Variants in CALM2 observed in about 807,000 individuals in gnomAD.
CALM2 encodes the protein calmodulin-2.
Under a neutral mutation model 19.8 loss-of-function variants are expected in CALM2, and 2 were observed. That is an observed-to-expected ratio of 0.10 (90% CI 0.04 to 0.32). The LOEUF is 0.32. Ranked by LOEUF, CALM2 falls within the 10% of genes least tolerant of loss-of-function variation. The pLI is 1.00. For missense variants in CALM2, 38 were observed against 178.7 expected (o/e 0.21, Z 4.49); for synonymous variants, 51 against 52.1 (o/e 0.98, Z 0.09).
At chr2:47,164,593 C>T (rs1666395740) in intron 2 of CALM2, among the ~76,000 whole-genome samples, 1 of 135,052 alleles carries the variant, frequency 7.4e-6, no homozygotes, top group African/African-American at 3.4e-5. Context: ...TGAGACTTGT[C>T]TCAAAAAAAA....
At chr2:47,162,187 A>AAAAAAAC in intron 4 of CALM2, 99 bp downstream of exon 4, 1 of 452,322 alleles carries the variant, frequency 2.2e-6, no homozygotes, top group South Asian at 3.5e-5. Context: ...AAAAAAAAAA[A>AAAAAAAC]AAAAAAAAAA....
chr2:47,170,611 CAT>C lies in CALM2; in HGVS notation c.34+121_34+122del, dbSNP rs140003206. On this transcript the variant is annotated intron_variant, in intron 2 of 5. Transcript: ENST00000272298. ...TTGAATTACTGTATTATATTATACC[CAT>C]ATGTTAGTATCCATGACATATACCA... is the stretch of plus-strand genomic sequence containing the variant. 0.012 allele frequency: 9,233 copies of C among 797,152 alleles called. 88 individuals carry two copies. Among genetic ancestry groups the C allele is most frequent in the Non-Finnish European group, 0.015 (6,818 of 447,166 alleles). 49.4% of individuals were successfully genotyped at this position (797,152 alleles called of 1,614,324 possible). A position where few individuals can be genotyped will look rare whatever the true frequency, so the allele number is the denominator to read the frequency against.
chr2:47,162,730 A>G, intron 2 of CALM2, 68 bp from the exon 3 acceptor site: 1 of 1,306,988 alleles, frequency 7.7e-7, no homozygotes, highest in Non-Finnish European at 1.1e-6. Context: ...AATGAAACGT[A>G]TTAACTCTTA....
chr2:47,172,134 CAG>C (rs1352196247), intron 1 of CALM2: 1 of 45,678 alleles, frequency 2.2e-5, no homozygotes, highest in East Asian at 9.5e-4. Flanking sequence ...AAGTCAGTCA[CAG>C]ATTGTTTACC....
In CALM2 at chr2:47,162,240, T is replaced by A. The variant is rs138953134; in HGVS notation, c.285+46A>T. On this transcript the variant is annotated intron_variant, in intron 4 of 5. Coordinates refer to ENST00000272298, the MANE Select transcript of CALM2 (RefSeq NM_001743.6). Reference sequence around the variant, plus strand: ...CAAGTCTTCATAATGAGTCCTGGTATCTTCATTTCATCCTCAAAATTTAAC... The same window carrying A: ...CAAGTCTTCATAATGAGTCCTGGTAACTTCATTTCATCCTCAAAATTTAAC... 5.2e-5 allele frequency: 51 copies of A among 980,112 alleles called. No homozygotes were observed. The Middle Eastern group carries it at 2.3e-3, about 44-fold the overall frequency. 60.7% of individuals were successfully genotyped at this position (980,112 alleles called of 1,614,324 possible). A position where few individuals can be genotyped will look rare whatever the true frequency, so the allele number is the denominator to read the frequency against.
At chr2:47,176,362 G>A (rs996451360) in intron 1 of CALM2, 79 bp downstream of exon 1, 1 of 1,554,044 alleles carries the variant, frequency 6.4e-7, no homozygotes, top group Non-Finnish European at 8.8e-7. Context: ...TAAGGGAGGC[G>A]AGTTTCCTTT....
At chr2:47,174,568 G>GA (rs1457152696) in intron 1 of CALM2, among the ~76,000 whole-genome samples, 1 of 151,106 alleles carries the variant, frequency 6.6e-6, no homozygotes. Context: ...GTCTCTTATA[G>GA]TAAGAGCTGT....
At chr2:47,175,081 GTTTTTTT>G (rs563702873) in intron 1 of CALM2, among the ~76,000 whole-genome samples, 2 of 77,964 alleles carry the variant, frequency 2.6e-5, no homozygotes, top group Admixed American at 3.1e-4. Flanking sequence ...CTCATTAGGT[GTTTTTTT>G]TTTTTTTTTT....
In CALM2 at chr2:47,161,962, T is replaced by G; in HGVS notation, c.286-104A>C. 3.1e-6 allele frequency: 3 copies of G among 968,652 alleles called. No homozygotes were observed. The South Asian group carries it at 4.8e-5, about 15-fold the overall frequency. 60.0% of individuals were successfully genotyped at this position (968,652 alleles called of 1,614,324 possible). ...TAAATTTCACATTGGGGGAAAAACA[T>G]ACTTTAGAAATGCATACAAATCTAC... On this transcript the variant is annotated intron_variant, in intron 4 of 5. Transcript: ENST00000272298.
At chr2:47,164,278 T>C (rs1666381615) in intron 2 of CALM2, among the ~76,000 whole-genome samples, 1 of 137,002 alleles carries the variant, frequency 7.3e-6, no homozygotes, top group African/African-American at 2.7e-5. Flanking sequence ...AAACCCCGTC[T>C]CTACTAAAAC....
intron 1 of CALM2, 122 bp downstream of exon 1, chr2:47,176,319 C>T: frequency 8.9e-6 from 11 of 1,238,768 alleles, no homozygotes; most frequent in East Asian, 2.5e-5. Flanking sequence ...TCTTTCGCGC[C>T]ATCCCTCTGG....
intron 2 of CALM2, among the ~76,000 whole-genome samples, chr2:47,168,975 A>C (rs968391398): frequency 2.0e-5 from 3 of 152,058 alleles, no homozygotes; most frequent in Non-Finnish European, 4.4e-5. Flanking sequence ...ATGGGGTTTC[A>C]CCACGTTGGC....
intron 1 of CALM2, among the ~76,000 whole-genome samples, chr2:47,175,791 G>A (rs1237319901): frequency 2.0e-5 from 3 of 149,122 alleles, no homozygotes; most frequent in African/African-American, 4.9e-5. Flanking sequence ...GCGGGGCGGC[G>A]GCTCCGGGTC....
intron 4 of CALM2, 83 bp downstream of exon 4, chr2:47,162,203 A>AAAAAAAAC (rs1687182716): frequency 2.1e-6 from 1 of 487,002 alleles, no homozygotes; most frequent in African/African-American, 2.4e-5. Flanking sequence ...AAAAAAAACA[A>AAAAAAAAC]CCAAAAAAAC....
At chr2:47,171,167 A>G (rs987809536) in intron 1 of CALM2, 2 of 158,722 alleles carry the variant, frequency 1.3e-5, no homozygotes, top group Admixed American at 1.2e-4. Flanking sequence ...TTTTGAAATT[A>G]AAGTGATTAA....
chr2:47,173,877 G>A (rs1035842521), intron 1 of CALM2: 5 of 152,156 alleles, frequency 3.3e-5, no homozygotes, highest in African/African-American at 4.8e-5. Context: ...TAATTCTGAA[G>A]AATAGTACTT....
intron 4 of CALM2, 148 bp downstream of exon 4, chr2:47,162,138 T>A: frequency 1.9e-6 from 1 of 517,038 alleles, no homozygotes; most frequent in Non-Finnish European, 3.3e-6. Flanking sequence ...TAAAAAGCTT[T>A]TGCTTGGTAA....
intron 5 of CALM2, among the ~76,000 whole-genome samples, chr2:47,161,404 A>G (rs1280846476): frequency 1.3e-5 from 2 of 152,226 alleles, no homozygotes; most frequent in African/African-American, 2.4e-5. Flanking sequence ...TGCTTTCCAC[A>G]TTGTTCCACA....
intron 2 of CALM2, among the ~76,000 whole-genome samples, chr2:47,168,160 T>C (rs1040649410): frequency 6.6e-6 from 1 of 152,056 alleles, no homozygotes; most frequent in Non-Finnish European, 1.5e-5. Flanking sequence ...AACAAAAAGG[T>C]CCCTGACCGC....
Sources: gnomAD v4.1 joint callset for allele counts (sites outside exome capture counted in the v4.1 genomes callset) on GRCh38, gnomAD v4.1.1 for gene constraint, MANE v1.5 for transcripts, NCBI Gene and HGNC (gene_info 2026-07-23, HGNC 2026-07-21) for gene names.